The following ACCSL variants were observed in gnomAD, a reference collection of about 807,000 sequenced individuals.
The protein encoded by ACCSL is probable inactive 1-aminocyclopropane-1-carboxylate synthase-like protein 2.
In ACCSL, 55 loss-of-function variants were observed where a neutral mutation model predicts 61.7. That is an observed-to-expected ratio of 0.89 (90% CI 0.72 to 1.12). The LOEUF (loss-of-function observed/expected upper bound fraction) is 1.12. Among genes scored for constraint, ACCSL ranks in the 50% most tolerant of loss-of-function variants. The pLI, the probability that ACCSL is intolerant of heterozygous loss-of-function variation, is 0.00. For synonymous variants in ACCSL, 258 were observed against 264.3 expected, an observed-to-expected ratio of 0.98 and a Z score of 0.23; for missense variants, 632 against 698.0, an observed-to-expected ratio of 0.91 and a Z score of 1.07.
chr11:44,031,823 CT>C, the ACCSL span, among the ~76,000 whole-genome samples: 1,312 of 152,258 alleles, frequency 8.6e-3, 14 homozygotes, highest in African/African-American at 0.03. Flanking sequence ...AAGACACAGC[CT>C]TAGTGTGGAT....
At chr11:44,001,179 G>A in the ACCSL span, 7 of 152,112 alleles carry the variant, frequency 4.6e-5, no homozygotes, top group Non-Finnish European at 8.8e-5. Context: ...TTGTGGGGAG[G>A]ACAGAAACAT....
chr11:43,941,111 G>T, the ACCSL span, among the ~76,000 whole-genome samples: 1 of 152,174 alleles, frequency 6.6e-6, no homozygotes, highest in Non-Finnish European at 1.5e-5. Flanking sequence ...AGTGTGCAGA[G>T]CATGGCCATA....
chr11:44,058,403 G>C lies in ACCSL; in HGVS notation c.1414G>C (p.Glu472Gln). 6.2e-7 allele frequency: 1 copy of C among 1,614,132 alleles called. No homozygotes were observed. Among genetic ancestry groups the C allele is most frequent in the East Asian group, 2.2e-5 (1 of 44,876 alleles). The change falls in exon 12 of 14, where the codon GAG becomes CAG. Residue 472 changes from glutamate (E) to glutamine (Q), a missense_variant. Transcript: ENST00000378832. ...CATCACTGCTGAGCTGAAGGCATTG[G>C]AGATCCCTTTTCACAACCGCAGCTC... ...KYITAELKAL[E>Q]IPFHNRSSGL... is the part of the protein sequence containing the mutation.
At chr11:44,018,233 G>A in the ACCSL span, among the ~76,000 whole-genome samples, 1 of 152,172 alleles carries the variant, frequency 6.6e-6, no homozygotes, top group Non-Finnish European at 1.5e-5. Flanking sequence ...GAGAGAGGGT[G>A]AGCTTCCCAG....
the ACCSL span, among the ~76,000 whole-genome samples, chr11:43,937,687 C>A: frequency 2.0e-5 from 3 of 152,154 alleles, no homozygotes; most frequent in Admixed American, 2.0e-4. Context: ...AAACTGCCAC[C>A]TCCACCCCTC....
Position 44,053,422 on chromosome 11 carries a change from G to A in ACCSL, c.965G>A (p.Gly322Asp), listed in dbSNP as rs188401793. The A allele has an allele frequency of 6.2e-7, 1 of 1,614,128 alleles. No individual in the cohort carries two copies. Among genetic ancestry groups the A allele is most frequent in the East Asian group, 2.2e-5 (1 of 44,886 alleles). The part of the protein sequence containing the change: ...EARLEGKKVR[G>D]LVLINPQNPL... The stretch of plus-strand genomic sequence containing the variant: ...TTTTCTTAGGGGAAAAAGGTCCGAG[G>A]CCTTGTGCTAATCAACCCTCAGAAT... Residue 322 changes from glycine to aspartate, a missense_variant, in exon 8 of 14, where the codon GGC (glycine) becomes GAC (aspartate). By Grantham distance (94) the Gly-to-Asp change is moderately conservative (BLOSUM62 -1). Coordinates refer to ENST00000378832, the MANE Select transcript of ACCSL (RefSeq NM_001031854.2).
chr11:43,978,888 A>G, the ACCSL span, among the ~76,000 whole-genome samples: 2 of 140,824 alleles, frequency 1.4e-5, no homozygotes, highest in Non-Finnish European at 3.0e-5. Context: ...TGGTCGGGTA[A>G]GGGGTTTTCA....
At chr11:44,023,599 C>T in the ACCSL span, among the ~76,000 whole-genome samples, 2 of 150,072 alleles carry the variant, frequency 1.3e-5, no homozygotes, top group East Asian at 3.9e-4. Context: ...TTTCAAAGAA[C>T]CAACTTTTAG....
chr11:43,955,762 T>C, the ACCSL span, among the ~76,000 whole-genome samples: 2 of 152,050 alleles, frequency 1.3e-5, no homozygotes, highest in African/African-American at 2.4e-5. Context: ...GTTGCAAATC[T>C]TGTTACCTCT....
At chr11:44,013,151 T>C in the ACCSL span, among the ~76,000 whole-genome samples, 3 of 152,182 alleles carry the variant, frequency 2.0e-5, no homozygotes, top group African/African-American at 4.8e-5. Flanking sequence ...AAGTCCAAGA[T>C]ACACTGAAAA....
the ACCSL span, among the ~76,000 whole-genome samples, chr11:43,984,448 G>T: frequency 8.7e-4 from 132 of 152,212 alleles, no homozygotes; most frequent in African/African-American, 3.1e-3. Flanking sequence ...CAGATGAATG[G>T]ACTATGGGAT....
chr11:44,021,503 A>G, the ACCSL span, among the ~76,000 whole-genome samples: 1 of 152,092 alleles, frequency 6.6e-6, no homozygotes, highest in Non-Finnish European at 1.5e-5. Context: ...AGTTCCTTGT[A>G]GCTTCTGTAT....
chr11:44,049,974 G>A, intron 1 of ACCSL, 88 bp from the exon 2 acceptor site: 1 of 1,558,168 alleles, frequency 6.4e-7, no homozygotes, highest in Non-Finnish European at 8.8e-7. Flanking sequence ...CATAGGCAGT[G>A]AGATCTCCAT....
the ACCSL span, among the ~76,000 whole-genome samples, chr11:43,988,952 G>T: frequency 5.3e-5 from 8 of 151,584 alleles, no homozygotes; most frequent in Non-Finnish European, 1.0e-4. Context: ...ACTTCCTACT[G>T]CTGTGGTCCT....
the ACCSL span, chr11:43,974,075 C>A: frequency 6.6e-6 from 1 of 152,182 alleles, no homozygotes; most frequent in Non-Finnish European, 1.5e-5. Context: ...CAATGCTTGG[C>A]AAATGGTAAG....
the ACCSL span, chr11:43,925,055 T>C: frequency 5.4e-6 from 1 of 183,968 alleles, no homozygotes; most frequent in African/African-American, 2.3e-5. Flanking sequence ...TCACCTGGAG[T>C]GAGAGGGAAA....
At chr11:44,005,018 G>T in the ACCSL span, among the ~76,000 whole-genome samples, 1 of 152,152 alleles carries the variant, frequency 6.6e-6, no homozygotes, top group Non-Finnish European at 1.5e-5. Context: ...GTGGTGGTGA[G>T]GTTGGCCTTG....
At chr11:43,977,789 C>G in the ACCSL span, among the ~76,000 whole-genome samples, 2 of 152,234 alleles carry the variant, frequency 1.3e-5, no homozygotes, top group African/African-American at 4.8e-5. Flanking sequence ...TGGAGTCACA[C>G]TGACCTGGGT....
chr11:43,958,569 T>C, the ACCSL span, among the ~76,000 whole-genome samples: 1 of 152,224 alleles, frequency 6.6e-6, no homozygotes, highest in Non-Finnish European at 1.5e-5. Flanking sequence ...GCAATTCCCC[T>C]GTCTTGATAA....
Sources: gnomAD v4.1 joint callset for allele counts (sites outside exome capture counted in the v4.1 genomes callset) on GRCh38, gnomAD v4.1.1 for gene constraint, MANE v1.5 for transcripts, NCBI Gene and HGNC (gene_info 2026-07-23, HGNC 2026-07-21) for gene names.